Variants in RGS9 observed in about 807,000 individuals in gnomAD.
RGS9 encodes regulator of G-protein signalling 9.
RGS9 carries 78 observed loss-of-function variants against 102.0 expected under a neutral mutation model. The observed-to-expected ratio is 0.76, with a 90% CI of 0.64 to 0.92. The LOEUF (loss-of-function observed/expected upper bound fraction) is 0.92. RGS9 is among the 40% of genes least tolerant of loss of function. RGS9 has a pLI of 0.00. For synonymous variants in RGS9, 353 were observed against 318.6 expected (o/e 1.11, Z -1.15); for missense variants, 833 against 866.1 (o/e 0.96, Z 0.48).
At chr17:65,164,651 C>T (rs1006652085) in intron 7 of RGS9, among the ~76,000 whole-genome samples, 7 of 151,954 alleles carry the variant, frequency 4.6e-5, no homozygotes, top group Non-Finnish European at 8.8e-5. Flanking sequence ...ATTCTTATGG[C>T]GGAACAGCTT....
chr17:65,139,718 A>C (rs1400285887), intron 1 of RGS9, among the ~76,000 whole-genome samples: 1 of 152,078 alleles, frequency 6.6e-6, no homozygotes, highest in Admixed American at 6.5e-5. Flanking sequence ...TTCTCTGTGC[A>C]CTACAGACCT....
intron 17 of RGS9, among the ~76,000 whole-genome samples, chr17:65,222,003 T>C (rs990203865): frequency 6.6e-6 from 1 of 152,188 alleles, no homozygotes; most frequent in African/African-American, 2.4e-5. Context: ...CAGCTCAGGG[T>C]CTCACATTCA....
chr17:65,189,307 A>C lies in RGS9; in HGVS notation c.676A>C (p.Lys226Gln), dbSNP rs752311299. 1 of 1,609,102 alleles carries C rather than the reference A, an allele frequency of 6.2e-7. No homozygotes were observed. Among genetic ancestry groups the C allele is most frequent in the South Asian group, 1.1e-5 (1 of 90,958 alleles). The change falls in exon 10 of 19, where the codon AAA (lysine) becomes CAA (glutamine). Residue 226 changes from lysine (K) to glutamine (Q), a missense_variant. Transcript: ENST00000262406. ...VNQKQTVVAV[K>Q]KEIMYYQQAL... ...ACAGAAACAAACAGTCGTTGCTGTC[A>C]AAAAAGAGGTAATTAGTCTTACACT...
At chr17:65,193,141 C>T (rs951152003) in intron 11 of RGS9, among the ~76,000 whole-genome samples, 2 of 148,568 alleles carry the variant, frequency 1.3e-5, no homozygotes, top group African/African-American at 2.5e-5. Context: ...CCTGGTGGTG[C>T]GCGTCTGTGA....
intron 9 of RGS9, among the ~76,000 whole-genome samples, chr17:65,183,778 C>T (rs534688763): frequency 5.4e-4 from 82 of 152,312 alleles, no homozygotes; most frequent in African/African-American, 1.9e-3. Context: ...ACCTGCCTGG[C>T]TACCCCATCC....
In RGS9 at chr17:65,227,542, T is replaced by TG. The variant is rs1490364756; in HGVS notation, c.*139dup. The TG allele has an allele frequency of 8.1e-7, 1 of 1,234,748 alleles. No homozygotes were observed. Among genetic ancestry groups the TG allele is most frequent in the Non-Finnish European group, 1.1e-6 (1 of 873,614 alleles). 76.5% of individuals were successfully genotyped at this position (1,234,748 alleles called of 1,614,324 possible). A position where few individuals can be genotyped will look rare whatever the true frequency, so the allele number is the denominator to read the frequency against. On this transcript the variant is annotated 3_prime_UTR_variant, in exon 19 of 19. Transcript: ENST00000262406. Reference sequence around the variant, plus strand: ...ACATTTGAAGATTGGGGAGACAAGATGGGGTAGATTGTGGCAAAGAATGCT... The same window carrying TG: ...ACATTTGAAGATTGGGGAGACAAGATGGGGGTAGATTGTGGCAAAGAATGCT...
chr17:65,146,653 G>C (rs1267480618), intron 1 of RGS9, among the ~76,000 whole-genome samples: 1 of 151,798 alleles, frequency 6.6e-6, no homozygotes, highest in Non-Finnish European at 1.5e-5. Context: ...CCAGCACTTT[G>C]GGAGGCTGAG....
intron 13 of RGS9, among the ~76,000 whole-genome samples, chr17:65,197,773 G>A (rs915007515): frequency 2.0e-5 from 3 of 151,618 alleles, no homozygotes; most frequent in African/African-American, 7.3e-5. Flanking sequence ...TAGTTCAAGC[G>A]ATTCCCCTGC....
chr17:65,200,349 A>G (rs1231024237), intron 13 of RGS9, among the ~76,000 whole-genome samples: 1 of 152,124 alleles, frequency 6.6e-6, no homozygotes. Flanking sequence ...CTTCCTTTTT[A>G]AGGCCAAATG....
intron 1 of RGS9, among the ~76,000 whole-genome samples, chr17:65,144,735 T>C (rs748198342): frequency 6.6e-6 from 1 of 152,130 alleles, no homozygotes; most frequent in Non-Finnish European, 1.5e-5. Flanking sequence ...CTGGAGAACT[T>C]GGGAAACAGT....
chr17:65,171,820 G>A (rs939532513), intron 8 of RGS9, among the ~76,000 whole-genome samples: 1 of 152,206 alleles, frequency 6.6e-6, no homozygotes, highest in African/African-American at 2.4e-5. Flanking sequence ...ATCTGAGCAC[G>A]ATGCAAACAA....
chr17:65,194,018 C>T (rs1216072555), intron 12 of RGS9, among the ~76,000 whole-genome samples: 3 of 152,046 alleles, frequency 2.0e-5, no homozygotes, highest in South Asian at 2.1e-4. Flanking sequence ...CTACTCGATT[C>T]GAGCAAGTTT....
chr17:65,147,157 C>G (rs1178509089), intron 1 of RGS9, among the ~76,000 whole-genome samples: 1 of 152,146 alleles, frequency 6.6e-6, no homozygotes, highest in Non-Finnish European at 1.5e-5. Flanking sequence ...TGCAGATGGC[C>G]AAGGACTATG....
At chr17:65,203,417 C>G (rs775084746) in intron 14 of RGS9, among the ~76,000 whole-genome samples, 2 of 152,162 alleles carry the variant, frequency 1.3e-5, no homozygotes, top group South Asian at 2.1e-4. Context: ...ACAGGAAGCC[C>G]GCTGCCTCTG....
intron 9 of RGS9, among the ~76,000 whole-genome samples, chr17:65,182,795 A>T (rs1205195903): frequency 4.6e-5 from 7 of 152,140 alleles, no homozygotes; most frequent in African/African-American, 1.4e-4. Flanking sequence ...GGCCGGCTTC[A>T]TGGGCAGGGG....
chr17:65,177,584 G>T, intron 8 of RGS9, 148 bp from the exon 9 acceptor site: 1 of 811,560 alleles, frequency 1.2e-6, no homozygotes. Flanking sequence ...CACCTGGAGG[G>T]TTTACACCCA....
chr17:65,164,140 C>A (rs756320798), intron 7 of RGS9, among the ~76,000 whole-genome samples: 5 of 152,140 alleles, frequency 3.3e-5, no homozygotes, highest in African/African-American at 4.8e-5. Flanking sequence ...TTACAAACAG[C>A]CCCCAACTCT....
At chr17:65,171,723 C>A (rs1911427124) in intron 8 of RGS9, among the ~76,000 whole-genome samples, 1 of 152,240 alleles carries the variant, frequency 6.6e-6, no homozygotes, top group South Asian at 2.1e-4. Flanking sequence ...CTACCCAGAG[C>A]CCAAAGGACA....
At chr17:65,166,755 T>A (rs58338644) in intron 7 of RGS9, among the ~76,000 whole-genome samples, 18,483 of 152,260 alleles carry the variant, frequency 0.12, 2,235 homozygotes, top group East Asian at 0.51. Flanking sequence ...GAAACTGCAA[T>A]GCCTCAGGCT....
Sources: allele counts gnomAD v4.1 joint callset (sites outside exome capture counted in the v4.1 genomes callset), GRCh38; gene constraint gnomAD v4.1.1; transcripts MANE v1.5; gene names NCBI Gene and HGNC (gene_info 2026-07-23, HGNC 2026-07-21).